Variants in PRR16 observed in about 807,000 individuals in gnomAD.
PRR16 encodes the protein protein Largen.
In PRR16, 6 loss-of-function variants were observed where a neutral mutation model predicts 18.2. The ratio of observed to expected loss-of-function variants is 0.33; its 90% CI spans 0.18 to 0.65. The LOEUF (loss-of-function observed/expected upper bound fraction) is 0.65. Ranked by LOEUF, PRR16 falls within the 30% of genes least tolerant of loss-of-function variation. The pLI, the probability that PRR16 is intolerant of heterozygous loss-of-function variation, is 0.74. For synonymous variants in PRR16, 151 were observed against 147.8 expected, an observed-to-expected ratio of 1.02 and a Z score of -0.16; for missense variants, 412 against 376.6, an observed-to-expected ratio of 1.09 and a Z score of -0.78.
At position 120,485,549 on chromosome 5, in the gene PRR16, C is replaced by T. The variant is rs527496225; in HGVS notation, c.159+20904C>T. The stretch of plus-strand genomic sequence containing the variant: ...AAGTTCTCTTAAATGGAAGCAATGA[C>T]GTATTGTGCACAGAATAGAGTAAAA... On this transcript the variant is annotated intron_variant, in intron 1 of 1. Coordinates refer to ENST00000407149, the MANE Select transcript of PRR16 (RefSeq NM_001300783.2). Among the ~76,000 whole-genome samples, 20 of 152,208 alleles carry T rather than the reference C, an allele frequency of 1.3e-4. 1 individual carries two copies. The South Asian group carries it at 3.3e-3, about 25-fold the overall frequency.
the PRR16 span, among the ~76,000 whole-genome samples, chr5:120,732,330 T>G: frequency 6.6e-6 from 1 of 152,276 alleles, no homozygotes; most frequent in African/African-American, 2.4e-5. Context: ...CCCACTAGAC[T>G]TTTCCTCCAT....
chr5:120,493,426 T>G (rs1750133881), intron 1 of PRR16, among the ~76,000 whole-genome samples: 1 of 152,192 alleles, frequency 6.6e-6, no homozygotes, highest in African/African-American at 2.4e-5. Flanking sequence ...ATTTGACCAG[T>G]CTTTAATAAG....
chr5:120,553,927 G>T (rs551719827), intron 1 of PRR16, among the ~76,000 whole-genome samples: 91 of 151,964 alleles, frequency 6.0e-4, no homozygotes, highest in Admixed American at 1.3e-3. Context: ...TTCTACTTAA[G>T]TCTAACTGCC....
intron 1 of PRR16, among the ~76,000 whole-genome samples, chr5:120,597,011 A>G (rs1305125435): frequency 6.6e-6 from 1 of 151,456 alleles, no homozygotes; most frequent in Non-Finnish European, 1.5e-5. Flanking sequence ...TTGAGTCACA[A>G]TCATGGTTTT....
chr5:120,464,389 G>C lies in PRR16; in HGVS notation c.-98G>C. On this transcript the variant is annotated 5_prime_UTR_variant, in exon 1 of 2. Transcript: ENST00000407149. ...CCAGGGAGCGCCCAAGATGTGGGGG[G>C]ACCGGGGCGGCAGCGGCCGTAGCAG... 1 of 1,365,912 alleles carries C rather than the reference G, an allele frequency of 7.3e-7. No individual in the cohort carries two copies. The highest frequency in any genetic ancestry group is 2.6e-5 in the East Asian group (1 of 38,336). 84.6% of individuals were successfully genotyped at this position (1,365,912 alleles called of 1,614,324 possible).
chr5:120,479,247 T>C (rs903188938), intron 1 of PRR16, among the ~76,000 whole-genome samples: 1 of 152,134 alleles, frequency 6.6e-6, no homozygotes, highest in Non-Finnish European at 1.5e-5. Flanking sequence ...TCATTGCTTG[T>C]GGGGATTGAG....
intron 1 of PRR16, among the ~76,000 whole-genome samples, chr5:120,530,283 ATTTATTTATTTATT>A (rs1413928206): frequency 1.1e-5 from 1 of 88,278 alleles, no homozygotes; most frequent in South Asian, 3.2e-4. Flanking sequence ...ATATATATAT[ATTTATTTATTTATT>A]TATTTATTTA....
At chr5:120,718,071 A>T in the PRR16 span, among the ~76,000 whole-genome samples, 3 of 152,168 alleles carry the variant, frequency 2.0e-5, no homozygotes, top group East Asian at 5.8e-4. Flanking sequence ...TTGTTAGAAC[A>T]TTATTGAAAG....
rs139916829 is a variant in PRR16 at position 120,478,426 on chromosome 5, G to T, written c.159+13781G>T. The stretch of plus-strand genomic sequence containing the variant: ...CTCATTCCCATTCAACTCAACCCAT[G>T]TTCTTGTTTTTTGGAATAGACAAAG... On this transcript the variant is annotated intron_variant, in intron 1 of 1. Coordinates refer to ENST00000407149, the MANE Select transcript of PRR16 (RefSeq NM_001300783.2). 3.6e-4 allele frequency among the ~76,000 whole-genome samples: 55 copies of T among 152,188 alleles called. No individual in the cohort carries two copies. The East Asian group carries it at 9.6e-3, about 27-fold the overall frequency.
At chr5:120,689,600 C>A (rs1261616767), downstream of PRR16, among the ~76,000 whole-genome samples, 1 of 152,058 alleles carries the variant, frequency 6.6e-6, no homozygotes, top group South Asian at 2.1e-4. Context: ...ACAGAGCCAG[C>A]CTTCATACTC....
At chr5:120,602,579 T>C (rs1424602507) in intron 1 of PRR16, among the ~76,000 whole-genome samples, 1 of 152,120 alleles carries the variant, frequency 6.6e-6, no homozygotes, top group Admixed American at 6.6e-5. Context: ...CTGATGGCTC[T>C]GGCTAGGCCT....
intron 1 of PRR16, among the ~76,000 whole-genome samples, chr5:120,610,668 T>G (rs898218535): frequency 6.6e-6 from 1 of 152,146 alleles, no homozygotes. Flanking sequence ...AGAAGTGCCC[T>G]TCACCTCCCA....
At chr5:120,678,494 C>A (rs1332574683) in intron 1 of PRR16, among the ~76,000 whole-genome samples, 3 of 152,054 alleles carry the variant, frequency 2.0e-5, no homozygotes, top group Non-Finnish European at 4.4e-5. Flanking sequence ...TGCTCTCTGC[C>A]AGGGATAAAG....
chr5:120,623,466 T>TA (rs1271714305), intron 1 of PRR16, among the ~76,000 whole-genome samples: 3 of 152,196 alleles, frequency 2.0e-5, no homozygotes, highest in African/African-American at 7.2e-5. Context: ...CTTCGCTACT[T>TA]ACTAGTTATG....
chr5:120,616,742 G>A (rs1281316519), intron 1 of PRR16, among the ~76,000 whole-genome samples: 2 of 152,130 alleles, frequency 1.3e-5, no homozygotes, highest in Non-Finnish European at 1.5e-5. Context: ...ATTGAATGAT[G>A]AGTCAGTGGT....
the PRR16 span, among the ~76,000 whole-genome samples, chr5:120,742,104 T>C: frequency 6.6e-6 from 1 of 152,068 alleles, no homozygotes; most frequent in South Asian, 2.1e-4. Context: ...ATCACTGTTT[T>C]AACTGCATTT....
intron 1 of PRR16, among the ~76,000 whole-genome samples, chr5:120,649,363 C>G (rs1755699417): frequency 6.6e-6 from 1 of 152,126 alleles, no homozygotes; most frequent in African/African-American, 2.4e-5. Context: ...AGGAAGCCCA[C>G]ATGATTCACT....
At chr5:120,533,201 T>C (rs1751606931) in intron 1 of PRR16, among the ~76,000 whole-genome samples, 1 of 152,182 alleles carries the variant, frequency 6.6e-6, no homozygotes, top group Non-Finnish European at 1.5e-5. Context: ...ATCCACTGAA[T>C]ATATCTTCAA....
intron 1 of PRR16, among the ~76,000 whole-genome samples, chr5:120,535,076 CGTGTGTGT>C (rs34220996): frequency 2.7e-5 from 4 of 146,336 alleles, no homozygotes; most frequent in South Asian, 2.2e-4. Flanking sequence ...TCACTTTACA[CGTGTGTGT>C]GTGTGTGTGT....
Sources: allele counts gnomAD v4.1 joint callset (sites outside exome capture counted in the v4.1 genomes callset), GRCh38; gene constraint gnomAD v4.1.1; transcripts MANE v1.5; gene names NCBI Gene and HGNC (gene_info 2026-07-23, HGNC 2026-07-21).